The following MYO18A variants were observed in gnomAD, a reference collection of about 807,000 sequenced individuals.
MYO18A encodes myosin XVIIIA.
In MYO18A, 78 loss-of-function variants were observed where a neutral mutation model predicts 235.8. The observed-to-expected ratio is 0.33, with a 90% confidence interval of 0.28 to 0.40. The LOEUF (loss-of-function observed/expected upper bound fraction) is 0.40, where lower values mean the gene tolerates loss of function less well. Ranked by LOEUF, MYO18A falls within the 10% of genes least tolerant of loss-of-function variation. The pLI is 1.00. For missense variants in MYO18A, 2,215 were observed against 2,699.3 expected (o/e 0.82, Z 3.98); for synonymous variants, 977 against 1,077.8 (o/e 0.91, Z 1.83).
chr17:29,091,720 C>T (rs2066402335), intron 34 of MYO18A: 1 of 453,726 alleles, frequency 2.2e-6, no homozygotes, highest in Non-Finnish European at 4.4e-6. Context: ...AGCTCAGGGG[C>T]CATGAAGCCA....
rs1474768102 is a variant in MYO18A at position 29,158,773 on chromosome 17, T to G, written c.999+7169A>C. ...GGTTTCTGGGAAATGCTGTAGAGAT[T>G]TGCAGCATTTTTAAAATACTTGTGT... On this transcript the variant is annotated intron_variant, in intron 2 of 41. Coordinates refer to ENST00000527372, the MANE Select transcript of MYO18A (RefSeq NM_078471.4). This position sits in a 1 kb window ranked among gnomAD's most constrained non-coding sequence, Gnocchi z 4.3. 6.6e-6 allele frequency among the ~76,000 whole-genome samples: 1 copy of G among 152,108 alleles called. No homozygotes were observed. The highest frequency in any genetic ancestry group is 2.4e-5 in the African/African-American group (1 of 41,426).
At position 29,098,270 on chromosome 17, in the gene MYO18A, C is replaced by T. The variant is rs2066570618; in HGVS notation, c.3871-46G>A. ...TCACCACCAGTTGAAGTGCCTGCCT[C>T]ACTCAGCCAGAACACCTGGGGGACC... On this transcript the variant is annotated intron_variant, in intron 24 of 41. Coordinates refer to ENST00000527372, the MANE Select transcript of MYO18A (RefSeq NM_078471.4). The T allele has an allele frequency of 3.1e-6, 5 of 1,612,828 alleles. No homozygotes were observed. In the Admixed American group the frequency reaches 6.7e-5, roughly 22 times the overall value.
chr17:29,080,642 G>A (rs1438326347), intron 41 of MYO18A: 2 of 985,452 alleles, frequency 2.0e-6, no homozygotes, highest in Non-Finnish European at 2.4e-6. Flanking sequence ...CCAGAGCCCC[G>A]CCGCGTGGCC....
chr17:29,118,059 G>T lies in MYO18A; in HGVS notation c.2024C>A (p.Ala675Glu). ...ILAAIYHLGA[A>E]GATKEAAEAG... Reference sequence around the variant, plus strand: ...CTGCAGGTTACCTTTGGTGGCTCCCGCAGCCCCCAGGTGGTAGATGGCAGC... The same window carrying T: ...CTGCAGGTTACCTTTGGTGGCTCCCTCAGCCCCCAGGTGGTAGATGGCAGC... The change falls in exon 10 of 42, where the codon GCG becomes GAG. Residue 675 changes from alanine (A) to glutamate (E), a missense_variant. By Grantham distance (107) the Ala-to-Glu change is moderately radical. Coordinates refer to ENST00000527372, the MANE Select transcript of MYO18A (RefSeq NM_078471.4). The surrounding 1 kb of genome is among the most constrained non-coding windows in gnomAD (Gnocchi z 4.2). 6.3e-7 allele frequency: 1 copy of T among 1,583,640 alleles called. No homozygotes were observed. Among genetic ancestry groups the T allele is most frequent in the African/African-American group, 1.3e-5 (1 of 74,344 alleles).
intron 34 of MYO18A, chr17:29,091,603 C>T (rs1279797719): frequency 1.3e-5 from 6 of 452,866 alleles, no homozygotes; most frequent in East Asian, 7.0e-5. Context: ...CCTTTTTTAA[C>T]ACAATTAAGG....
In MYO18A at chr17:29,180,076, T is replaced by TG. The variant is rs1287412422; in HGVS notation, c.-82+236dup. On this transcript the variant is annotated intron_variant, in intron 1 of 41. Coordinates refer to ENST00000527372, the MANE Select transcript of MYO18A (RefSeq NM_078471.4). This position sits in a 1 kb window ranked among gnomAD's most constrained non-coding sequence, Gnocchi z 6.1. ...CCCCCAGGTTGGCTGGAAGGGCCGGTGGTTCCCCCTTCCCCGCCGCTCCCG... is the reference window on the plus strand; with the variant it reads ...CCCCCAGGTTGGCTGGAAGGGCCGGTGGGTTCCCCCTTCCCCGCCGCTCCCG... Among the ~76,000 whole-genome samples, 1 of 150,714 alleles carries TG rather than the reference T, an allele frequency of 6.6e-6. No homozygotes were observed. The highest frequency in any genetic ancestry group is 2.4e-5 in the African/African-American group (1 of 41,108).
chr17:29,154,988 G>GA, intron 2 of MYO18A, among the ~76,000 whole-genome samples: 1 of 152,178 alleles, frequency 6.6e-6, no homozygotes, highest in Middle Eastern at 3.2e-3. Context: ...GGTTCTACTG[G>GA]AATCTCTAGA....
At chr17:29,175,578 G>A (rs955185249) in intron 1 of MYO18A, among the ~76,000 whole-genome samples, 6 of 151,588 alleles carry the variant, frequency 4.0e-5, no homozygotes, top group Non-Finnish European at 5.9e-5. Context: ...TGCCCAGCCT[G>A]GTCTCAAATT....
In MYO18A at chr17:29,073,133, G is replaced by A. The variant is rs2065905102; in HGVS notation, c.*1637C>T. On this transcript the variant is annotated 3_prime_UTR_variant, in exon 42 of 42. Coordinates refer to ENST00000527372, the MANE Select transcript of MYO18A (RefSeq NM_078471.4). ...AGGGAGAGAGGGAGGGACGGAAGGAGGAAGAGAAGAGAAGAGAAGAGAATC... is the reference window on the plus strand; with the variant it reads ...AGGGAGAGAGGGAGGGACGGAAGGAAGAAGAGAAGAGAAGAGAAGAGAATC... 1 of 151,242 alleles carries A rather than the reference G, an allele frequency of 6.6e-6. No individual in the cohort carries two copies. The highest frequency in any genetic ancestry group is 1.5e-5 in the Non-Finnish European group (1 of 67,896). 9.4% of individuals were successfully genotyped at this position (151,242 alleles called of 1,614,324 possible). A position where few individuals can be genotyped will look rare whatever the true frequency, so the allele number is the denominator to read the frequency against.
chr17:29,166,286 G>C lies in MYO18A; in HGVS notation c.655C>G (p.Arg219Gly), dbSNP rs780752050. ...PVVPLPPPTLRELELQRRPTG... is the reference protein window; with the variant it reads ...PVVPLPPPTLGELELQRRPTG... ...GGCCGTCGTTGCAGCTCCAGCTCCC[G>C]GAGGGTAGGTGGGGGCAGGGGCACC... Residue 219 changes from arginine to glycine, a missense_variant, in exon 2 of 42, where the codon CGG becomes GGG. Arg to Gly is a moderately radical substitution (Grantham distance 125). Coordinates refer to ENST00000527372, the MANE Select transcript of MYO18A (RefSeq NM_078471.4). 6 of 1,612,842 alleles carry C rather than the reference G, an allele frequency of 3.7e-6. No individual in the cohort carries two copies. Among genetic ancestry groups the C allele is most frequent in the Non-Finnish European group, 5.1e-6 (6 of 1,179,884 alleles).
Position 29,074,002 on chromosome 17 carries a change from AGAGG to A in MYO18A, c.*764_*767del, listed in dbSNP as rs1413945084. 6.2e-7 allele frequency: 1 copy of A among 1,613,692 alleles called. No homozygotes were observed. The highest frequency in any genetic ancestry group is 2.2e-5 in the East Asian group (1 of 44,822). The stretch of plus-strand genomic sequence containing the variant: ...CATTGCACATAACACGCTGAGACAA[AGAGG>A]GTGGGGTGGGGGCTGGAGGTGCGGA... On this transcript the variant is annotated 3_prime_UTR_variant, in exon 42 of 42. Coordinates refer to ENST00000527372, the MANE Select transcript of MYO18A (RefSeq NM_078471.4). The surrounding 1 kb of genome is among the most constrained non-coding windows in gnomAD (Gnocchi z 4.4).
Position 29,096,796 on chromosome 17 carries a change from C to G in MYO18A, c.4350G>C (p.Gln1450His). The G allele has an allele frequency of 1.2e-6, 2 of 1,606,766 alleles. No homozygotes were observed. The highest frequency in any genetic ancestry group is 3.3e-4 in the Middle Eastern group (2 of 6,032). The change falls in exon 28 of 42, where the codon CAG (glutamine) becomes CAC (histidine). Residue 1450 changes from glutamine to histidine, a missense_variant. Coordinates refer to ENST00000527372, the MANE Select transcript of MYO18A (RefSeq NM_078471.4). ...TCTTCTCCAGTTCGTGGTTGCGGAC[C>G]TGCTGGCCCTCCAGGTGCAGCTTGG... is the stretch of plus-strand genomic sequence containing the variant. ...QDTKLHLEGQ[Q>H]VRNHELEKKQ...
At chr17:29,088,981 G>A (rs1487140451) in intron 37 of MYO18A, among the ~76,000 whole-genome samples, 2 of 151,400 alleles carry the variant, frequency 1.3e-5, no homozygotes, top group Non-Finnish European at 2.9e-5. Flanking sequence ...AGGAGGTCAA[G>A]GCTACAGTGA....
At chr17:29,165,789 G>A (rs1173299241) in intron 2 of MYO18A, among the ~76,000 whole-genome samples, 153 bp downstream of exon 2, 1 of 152,164 alleles carries the variant, frequency 6.6e-6, no homozygotes, top group African/African-American at 2.4e-5. Context: ...CTGAGTTCAT[G>A]CTTCCCCACA....
At chr17:29,101,604 G>T (rs1362051521) in intron 21 of MYO18A, among the ~76,000 whole-genome samples, 1 of 152,186 alleles carries the variant, frequency 6.6e-6, no homozygotes, top group Non-Finnish European at 1.5e-5. Flanking sequence ...ACCACGCCTG[G>T]CCCCCAGCTG....
intron 2 of MYO18A, among the ~76,000 whole-genome samples, chr17:29,153,244 T>C (rs2067995418): frequency 6.6e-6 from 1 of 151,918 alleles, no homozygotes; most frequent in Non-Finnish European, 1.5e-5. Flanking sequence ...CTCAGCCTCT[T>C]GAGTAACTGG....
intron 14 of MYO18A, 104 bp from the exon 15 acceptor site, chr17:29,114,201 C>T (rs773458074): frequency 2.4e-6 from 2 of 816,658 alleles, no homozygotes; most frequent in Non-Finnish European, 4.1e-6. Flanking sequence ...GGCCAACCTC[C>T]TTCTGTGCCG....
At position 29,073,025 on chromosome 17, in the gene MYO18A, A is replaced by C. The variant is rs1259313637; in HGVS notation, c.*1745T>G. 2 of 152,170 alleles carry C rather than the reference A, an allele frequency of 1.3e-5. No individual in the cohort carries two copies. Among genetic ancestry groups the C allele is most frequent in the Admixed American group, 6.5e-5 (1 of 15,280 alleles). The allele number at this position is 152,170 out of a possible 1,614,324, so 9.4% of individuals were successfully genotyped here. ...CAAAAAGTCACCTTTGAAATGGCTA[A>C]AATTAAGCTTTTAAAAAATGTTCTA... is the stretch of plus-strand genomic sequence containing the variant. On this transcript the variant is annotated 3_prime_UTR_variant, in exon 42 of 42. Coordinates refer to ENST00000527372, the MANE Select transcript of MYO18A (RefSeq NM_078471.4).
In MYO18A at chr17:29,097,367, G is replaced by C; in HGVS notation, c.4103-17C>G. 1 of 1,605,514 alleles carries C rather than the reference G, an allele frequency of 6.2e-7. No individual in the cohort carries two copies. The highest frequency in any genetic ancestry group is 1.1e-5 in the South Asian group (1 of 91,078). On this transcript the variant is annotated splice_polypyrimidine_tract_variant and intron_variant, in intron 26 of 41. Coordinates refer to ENST00000527372, the MANE Select transcript of MYO18A (RefSeq NM_078471.4). The stretch of plus-strand genomic sequence containing the variant: ...ACTCGCCACCTGTGGGGTTGAGGCA[G>C]ACAAGGGAGGATGGAGGTGCTGAGA...
Sources: allele counts gnomAD v4.1 joint callset (sites outside exome capture counted in the v4.1 genomes callset), GRCh38; gene constraint gnomAD v4.1.1; non-coding constraint Gnocchi (gnomAD v3.1); transcripts MANE v1.5; gene names NCBI Gene and HGNC (gene_info 2026-07-23, HGNC 2026-07-21).